AGBL4: variants seen among roughly 807,000 people sequenced by gnomAD.
AGBL4 encodes cytosolic carboxypeptidase 6.
In AGBL4, 58 loss-of-function variants were observed where a neutral mutation model predicts 66.4. The observed-to-expected ratio is 0.87, with a 90% CI of 0.71 to 1.09. The LOEUF (loss-of-function observed/expected upper bound fraction) is 1.09, where lower values mean the gene tolerates loss of function less well. Ranked by LOEUF, AGBL4 falls within the 50% of genes least tolerant of loss-of-function variation. The pLI is 0.00. For missense variants in AGBL4, 579 were observed against 631.0 expected (o/e 0.92, Z 0.88); for synonymous variants, 234 against 222.9 (o/e 1.05, Z -0.44).
At chr1:49,981,109 G>A (rs1659021879) in intron 1 of AGBL4, among the ~76,000 whole-genome samples, 1 of 152,164 alleles carries the variant, frequency 6.6e-6, no homozygotes, top group African/African-American at 2.4e-5. Flanking sequence ...TTTTAAGAAG[G>A]TGAAGGCAAG....
chr1:48,938,707 T>C (rs1224345819), intron 5 of AGBL4, among the ~76,000 whole-genome samples: 1 of 152,194 alleles, frequency 6.6e-6, no homozygotes, highest in African/African-American at 2.4e-5. Flanking sequence ...ATATACTCTT[T>C]TCTCTGCCCC....
chr1:49,393,802 G>C (rs1210070656), intron 3 of AGBL4, among the ~76,000 whole-genome samples: 1 of 152,170 alleles, frequency 6.6e-6, no homozygotes, highest in Non-Finnish European at 1.5e-5. Context: ...TTGTGATGTA[G>C]GGAGAAAGTT....
chr1:49,499,997 T>A (rs1177440171), intron 3 of AGBL4, among the ~76,000 whole-genome samples: 1 of 152,112 alleles, frequency 6.6e-6, no homozygotes, highest in African/African-American at 2.4e-5. Context: ...AATGGCAATG[T>A]AAAAGTGTTC....
intron 3 of AGBL4, among the ~76,000 whole-genome samples, chr1:49,311,398 AC>A (rs1260080406): frequency 6.6e-6 from 1 of 152,110 alleles, no homozygotes; most frequent in East Asian, 1.9e-4. Context: ...TCCCAGAAAC[AC>A]TATTTAAATG....
chr1:49,928,410 C>T (rs897230896), intron 1 of AGBL4, among the ~76,000 whole-genome samples: 1 of 151,956 alleles, frequency 6.6e-6, no homozygotes, highest in African/African-American at 2.4e-5. Flanking sequence ...GCCACTGTGC[C>T]CAGCTAGTTT....
intron 11 of AGBL4, among the ~76,000 whole-genome samples, chr1:48,570,751 C>T (rs1192925851): frequency 6.6e-6 from 1 of 152,164 alleles, no homozygotes; most frequent in African/African-American, 2.4e-5. Context: ...CCCAGACATC[C>T]ACTCGCACAT....
chr1:49,038,732 T>G (rs901827727), intron 5 of AGBL4, among the ~76,000 whole-genome samples: 3 of 152,098 alleles, frequency 2.0e-5, no homozygotes, highest in African/African-American at 7.2e-5. Flanking sequence ...GCACAGGTAC[T>G]CGCATTCATT....
At chr1:49,391,469 T>C (rs1021387748) in intron 3 of AGBL4, among the ~76,000 whole-genome samples, 1 of 150,930 alleles carries the variant, frequency 6.6e-6, no homozygotes, top group Non-Finnish European at 1.5e-5. Context: ...GCAGTGTGGA[T>C]AGAAAGGAGG....
chr1:48,624,900 G>A (rs1645474944), intron 9 of AGBL4, among the ~76,000 whole-genome samples: 1 of 151,216 alleles, frequency 6.6e-6, no homozygotes, highest in African/African-American at 2.5e-5. Context: ...GTGTGTGTGT[G>A]TGTGTGTGTG....
rs148548663 is a variant in AGBL4 at position 48,830,380 on chromosome 1, T to A, written c.634+36811A>T. Among the ~76,000 whole-genome samples the A allele has an allele frequency of 4.9e-4, 74 of 152,314 alleles. 1 individual carries two copies. The South Asian group carries it at 9.9e-3, about 20-fold the overall frequency. ...GTTCAGAGGGGTCATACAAATTGCC[T>A]GAGGTTATACATGTTAAGAACCAAG... On this transcript the variant is annotated intron_variant, in intron 6 of 13. Transcript: ENST00000371839.
chr1:49,323,578 C>G (rs141579324), intron 3 of AGBL4, among the ~76,000 whole-genome samples: 1 of 151,244 alleles, frequency 6.6e-6, no homozygotes, highest in African/African-American at 2.4e-5. Flanking sequence ...ATTAGCCACA[C>G]AGGACATTTT....
chr1:48,551,996 T>A (rs1228036069), intron 11 of AGBL4, among the ~76,000 whole-genome samples: 2 of 152,144 alleles, frequency 1.3e-5, no homozygotes, highest in Non-Finnish European at 2.9e-5. Flanking sequence ...TGGTGGGTAT[T>A]TGGACTTCAG....
chr1:49,261,069 C>T (rs1653110144), intron 3 of AGBL4, among the ~76,000 whole-genome samples: 1 of 152,042 alleles, frequency 6.6e-6, no homozygotes. Flanking sequence ...ACATGATTAT[C>T]TCAATAGATG....
intron 2 of AGBL4, among the ~76,000 whole-genome samples, chr1:49,745,756 C>T (rs1650935346): frequency 6.6e-6 from 1 of 151,708 alleles, no homozygotes; most frequent in South Asian, 2.1e-4. Flanking sequence ...CAAAAACTGT[C>T]AGAACTGAAA....
At chr1:49,677,844 C>T (rs1359550029) in intron 3 of AGBL4, among the ~76,000 whole-genome samples, 1 of 152,090 alleles carries the variant, frequency 6.6e-6, no homozygotes, top group African/African-American at 2.4e-5. Context: ...ACAGTGTGAA[C>T]ACACAGCAAG....
chr1:49,567,708 T>G (rs1644242270), intron 3 of AGBL4, among the ~76,000 whole-genome samples: 1 of 152,178 alleles, frequency 6.6e-6, no homozygotes, highest in African/African-American at 2.4e-5. Flanking sequence ...CTATTTTTCC[T>G]AATGCTCTCC....
chr1:49,642,050 G>A (rs749232629), intron 3 of AGBL4, among the ~76,000 whole-genome samples: 74 of 82,352 alleles, frequency 9.0e-4, no homozygotes, highest in Non-Finnish European at 1.5e-3. Flanking sequence ...AGAATTTTAC[G>A]AATAGAAAAC....
At chr1:48,789,357 C>T (rs948361758) in intron 6 of AGBL4, among the ~76,000 whole-genome samples, 3 of 151,750 alleles carry the variant, frequency 2.0e-5, no homozygotes, top group Non-Finnish European at 2.9e-5. Context: ...GGCCCAATCT[C>T]GGCTCACTGC....
intron 1 of AGBL4, among the ~76,000 whole-genome samples, chr1:49,903,395 A>G (rs1024099062): frequency 7.9e-5 from 12 of 152,122 alleles, no homozygotes; most frequent in Admixed American, 3.3e-4. Context: ...AAAAATACCT[A>G]TTGGGTACTA....
Sources: allele counts gnomAD v4.1 joint callset (sites outside exome capture counted in the v4.1 genomes callset), GRCh38; gene constraint gnomAD v4.1.1; transcripts MANE v1.5; gene names NCBI Gene and HGNC (gene_info 2026-07-23, HGNC 2026-07-21).